The following ADH5 variants were observed in gnomAD, a reference collection of about 807,000 sequenced individuals.
ADH5 encodes alcohol dehydrogenase class-3.
ADH5 carries 32 observed loss-of-function variants against 40.3 expected under a neutral mutation model. The ratio of observed to expected loss-of-function variants is 0.79; its 90% CI spans 0.60 to 1.07. The LOEUF is 1.07. Among genes scored for constraint, ADH5 ranks in the 50% least tolerant of loss-of-function variants. The pLI, the probability that ADH5 is intolerant of heterozygous loss-of-function variation, is 0.00. For synonymous variants in ADH5, 125 were observed against 154.3 expected (o/e 0.81, Z 1.41); for missense variants, 353 against 460.5 (o/e 0.77, Z 2.14).
In ADH5 at chr4:99,078,500, C is replaced by T. The variant is rs28730616; in HGVS notation, c.345-1577G>A. Among the ~76,000 whole-genome samples, 187 of 152,230 alleles carry T rather than the reference C, an allele frequency of 1.2e-3. 1 individual carries two copies. The highest frequency in any genetic ancestry group is 4.4e-3 in the African/African-American group (182 of 41,530). On this transcript the variant is annotated intron_variant, in intron 4 of 8. Coordinates refer to ENST00000296412, the MANE Select transcript of ADH5 (RefSeq NM_000671.4). ...CTCACTGCAACCTCAACCTCCAGGG[C>T]TCGTGATCCTCCCACCACAGCCACT... is the stretch of plus-strand genomic sequence containing the variant.
At chr4:99,087,057 A>G (rs1031585470) in intron 1 of ADH5, among the ~76,000 whole-genome samples, 4 of 151,884 alleles carry the variant, frequency 2.6e-5, no homozygotes, top group Admixed American at 6.6e-5. Flanking sequence ...CGGTTGAGGG[A>G]AAGGAGAGGT....
intron 8 of ADH5, 48 bp downstream of exon 8, chr4:99,072,525 A>T: frequency 6.2e-7 from 1 of 1,609,392 alleles, no homozygotes; most frequent in Non-Finnish European, 8.5e-7. Context: ...CATCCCCTCA[A>T]ACTCAACATC....
chr4:99,083,076 G>C (rs780973510), intron 2 of ADH5, among the ~76,000 whole-genome samples: 1 of 152,120 alleles, frequency 6.6e-6, no homozygotes, highest in Non-Finnish European at 1.5e-5. Flanking sequence ...CACTTACAAC[G>C]TAACAATCTT....
At chr4:99,081,551 A>G (rs1307029418) in intron 3 of ADH5, 99 bp from the exon 4 acceptor site, 1 of 845,994 alleles carries the variant, frequency 1.2e-6, no homozygotes, top group Non-Finnish European at 1.9e-6. Context: ...GGCTTTGCAA[A>G]GTTAAAAACT....
At chr4:99,079,461 G>C in intron 4 of ADH5, among the ~76,000 whole-genome samples, 1 of 152,314 alleles carries the variant, frequency 6.6e-6, no homozygotes, top group African/African-American at 2.4e-5. Flanking sequence ...GGTTACCTAA[G>C]AGGGAGGTAG....
At chr4:99,074,833 A>C in intron 7 of ADH5, 81 bp downstream of exon 7, 1 of 1,453,622 alleles carries the variant, frequency 6.9e-7, no homozygotes, top group South Asian at 1.5e-5. Context: ...TTAATATAAA[A>C]AAAATTAGGT....
intron 1 of ADH5, 180 bp from the exon 2 acceptor site, chr4:99,085,396 TTTAA>T (rs1728115498): frequency 2.3e-6 from 1 of 428,062 alleles, no homozygotes; most frequent in African/African-American, 2.0e-5. Context: ...TCAAAAATGA[TTTAA>T]TTGAGATGAT....
In ADH5 at chr4:99,072,037, C is replaced by T. The variant is rs1253413599; in HGVS notation, c.*380G>A. 1 of 191,332 alleles carries T rather than the reference C, an allele frequency of 5.2e-6. No homozygotes were observed. The highest frequency in any genetic ancestry group is 1.4e-4 in the East Asian group (1 of 7,150). The allele number at this position is 191,332 out of a possible 1,614,324, so 11.9% of individuals were successfully genotyped here. ...CCCTTAAAAGTTCAACGTTATGTTTCTGAGGTTTCAGACACCCACCACTGC... is the reference window on the plus strand; with the variant it reads ...CCCTTAAAAGTTCAACGTTATGTTTTTGAGGTTTCAGACACCCACCACTGC... On this transcript the variant is annotated 3_prime_UTR_variant, in exon 9 of 9. Transcript: ENST00000296412.
At chr4:99,083,957 G>A (rs1728080326) in intron 2 of ADH5, among the ~76,000 whole-genome samples, 1 of 152,194 alleles carries the variant, frequency 6.6e-6, no homozygotes, top group South Asian at 2.1e-4. Context: ...ACCAGAGGTT[G>A]AGAAGCACTA....
intron 3 of ADH5, 120 bp from the exon 4 acceptor site, chr4:99,081,572 G>C: frequency 1.4e-6 from 1 of 693,428 alleles, no homozygotes; most frequent in Non-Finnish European, 2.5e-6. Flanking sequence ...TCAAGTCTTA[G>C]AACTTTACCT....
chr4:99,077,661 TG>T (rs1232254067), intron 4 of ADH5, among the ~76,000 whole-genome samples: 13 of 152,258 alleles, frequency 8.5e-5, no homozygotes, highest in African/African-American at 3.1e-4. Flanking sequence ...GGCATTTTTC[TG>T]AAGTGTAACT....
chr4:99,077,145 C>T (rs1727946007), intron 4 of ADH5, among the ~76,000 whole-genome samples: 1 of 152,098 alleles, frequency 6.6e-6, no homozygotes, highest in Non-Finnish European at 1.5e-5. Flanking sequence ...ATTCACTATC[C>T]TTCTAGATCA....
chr4:99,072,555 T>G lies in ADH5; in HGVS notation c.1100+18A>C, dbSNP rs1041459714. 1 of 1,609,578 alleles carries G rather than the reference T, an allele frequency of 6.2e-7. No homozygotes were observed. ...AACATCATTATTACATTCTATGATA[T>G]ATAAAGAGAAAGCCTACCTCTTTCC... On this transcript the variant is annotated intron_variant, in intron 8 of 8. Coordinates refer to ENST00000296412, the MANE Select transcript of ADH5 (RefSeq NM_000671.4).
intron 6 of ADH5, 87 bp from the exon 7 acceptor site, chr4:99,075,136 G>T: frequency 8.1e-7 from 1 of 1,231,166 alleles, no homozygotes; most frequent in Non-Finnish European, 1.1e-6. Context: ...AGATGGCATA[G>T]TTTTTAAAGA....
intron 7 of ADH5, among the ~76,000 whole-genome samples, chr4:99,074,192 G>A (rs1212887765): frequency 2.0e-5 from 3 of 151,982 alleles, no homozygotes; most frequent in Non-Finnish European, 4.4e-5. Flanking sequence ...TTTTCTTTAG[G>A]AGGAGGATGA....
At position 99,077,352 on chromosome 4, in the gene ADH5, A is replaced by C. The variant is rs371589173; in HGVS notation, c.345-429T>G. 2.2e-4 allele frequency among the ~76,000 whole-genome samples: 34 copies of C among 152,224 alleles called. 1 individual carries two copies. The highest frequency in any genetic ancestry group is 7.2e-4 in the African/African-American group (30 of 41,530). ...AGCCTGGGCAACATAGCAACACCCT[A>C]TCTCTACAAAAAATAAAATTAGCCA... On this transcript the variant is annotated intron_variant, in intron 4 of 8. Transcript: ENST00000296412.
In ADH5 at chr4:99,084,404, C is replaced by A. The variant is rs114383398; in HGVS notation, c.114+711G>T. On this transcript the variant is annotated intron_variant, in intron 2 of 8. Coordinates refer to ENST00000296412, the MANE Select transcript of ADH5 (RefSeq NM_000671.4). ...AGGCTAATCATAGTGCATTTGTACA[C>A]CAAAAGGCAGTCTCACCAGTGCCAC... 1.6e-3 allele frequency among the ~76,000 whole-genome samples: 243 copies of A among 152,260 alleles called. 1 individual carries two copies. The highest frequency in any genetic ancestry group is 5.8e-3 in the African/African-American group (239 of 41,520).
At chr4:99,082,215 T>C (rs746823923) in intron 2 of ADH5, 99 bp from the exon 3 acceptor site, 34 of 1,253,416 alleles carry the variant, frequency 2.7e-5, no homozygotes, top group Non-Finnish European at 3.5e-5. Context: ...CTATATTTCA[T>C]TGACTCTAAG....
At chr4:99,080,082 A>G in intron 4 of ADH5, 1 of 403,354 alleles carries the variant, frequency 2.5e-6, no homozygotes, top group Non-Finnish European at 4.8e-6. Context: ...AAAAATATGA[A>G]CAAATATTTA....
Sources: gnomAD v4.1 joint callset for allele counts (sites outside exome capture counted in the v4.1 genomes callset) on GRCh38, gnomAD v4.1.1 for gene constraint, MANE v1.5 for transcripts, NCBI Gene and HGNC (gene_info 2026-07-23, HGNC 2026-07-21) for gene names.